The following DENND3 variants were observed in gnomAD, a reference collection of about 807,000 sequenced individuals.
DENND3 encodes DENN domain containing 3.
DENND3 carries 88 observed loss-of-function variants against 135.1 expected under a neutral mutation model. The observed-to-expected ratio is 0.65, with a 90% confidence interval of 0.55 to 0.78. DENND3 has a LOEUF of 0.78. Ranked by LOEUF, DENND3 falls within the 30% of genes least tolerant of loss-of-function variation. The probability of loss-of-function intolerance (pLI) is 0.00; values close to 1 mark genes in which losing one functional copy is unlikely to be tolerated. For synonymous variants in DENND3, 693 were observed against 712.3 expected (o/e 0.97, Z 0.43); for missense variants, 1,392 against 1,688.4 (o/e 0.82, Z 3.08).
chr8:141,141,228 A>T lies in DENND3; in HGVS notation c.527A>T (p.Lys176Ile), dbSNP rs757631212. ...GATGAGTACTGTTTCTACAATGGCAAAACGCACCGGGAGTGTCCTGGCTGC... is the reference window on the plus strand; with the variant it reads ...GATGAGTACTGTTTCTACAATGGCATAACGCACCGGGAGTGTCCTGGCTGC... ...LHDEYCFYNG[K>I]THRECPGCFV... The change falls in exon 4 of 23, where the codon AAA (lysine) becomes ATA (isoleucine). Residue 176 changes from lysine (K) to isoleucine (I), a missense_variant. Physicochemically the swap from Lys to Ile is moderately radical, Grantham distance 102. Coordinates refer to ENST00000519811, the MANE Select transcript of DENND3 (RefSeq NM_001352890.3). This position sits in a 1 kb window ranked among gnomAD's most constrained non-coding sequence, Gnocchi z 5.3. 6.2e-7 allele frequency: 1 copy of T among 1,614,196 alleles called. No individual in the cohort carries two copies. The highest frequency in any genetic ancestry group is 1.1e-5 in the South Asian group (1 of 91,086).
chr8:141,189,484 T>A (rs936740670), intron 19 of DENND3, among the ~76,000 whole-genome samples: 5 of 152,224 alleles, frequency 3.3e-5, no homozygotes, highest in Admixed American at 6.5e-5. Context: ...TGGACTCGCC[T>A]GATAATCGCC....
intron 18 of DENND3, among the ~76,000 whole-genome samples, chr8:141,186,482 C>T (rs1823905785): frequency 2.0e-5 from 3 of 152,188 alleles, no homozygotes; most frequent in African/African-American, 7.2e-5. Context: ...AGGCCCAACA[C>T]AAATTTGTAA....
intron 19 of DENND3, among the ~76,000 whole-genome samples, 157 bp downstream of exon 19, chr8:141,189,303 T>C (rs533044414): frequency 1.3e-5 from 2 of 152,366 alleles, no homozygotes; most frequent in African/African-American, 4.8e-5. Context: ...GTGTCCTCGG[T>C]CTGCTTCTGC....
intron 22 of DENND3, chr8:141,193,015 C>A: frequency 1.3e-6 from 1 of 746,600 alleles, no homozygotes; most frequent in Non-Finnish European, 1.9e-6. Context: ...CCAGGCCCTT[C>A]TCTCCCCCAC....
At chr8:141,151,431 C>T (rs923065076) in intron 6 of DENND3, among the ~76,000 whole-genome samples, 188 bp from the exon 7 acceptor site, 2 of 152,084 alleles carry the variant, frequency 1.3e-5, no homozygotes, top group African/African-American at 2.4e-5. Flanking sequence ...TGTGGAGGCA[C>T]GTTGCTGTGG....
At position 141,189,078 on chromosome 8, in the gene DENND3, C is replaced by A. The variant is rs1262848474; in HGVS notation, c.3177C>A (p.Asn1059Lys). 1 of 1,614,096 alleles carries A rather than the reference C, an allele frequency of 6.2e-7. No individual in the cohort carries two copies. The highest frequency in any genetic ancestry group is 1.3e-5 in the African/African-American group (1 of 74,954). Reference protein sequence around the residue: ...YIINVHSMSCNKQLTAHCSSV... With the variant: ...YIINVHSMSCKKQLTAHCSSV... ...TCAACGTCCACAGCATGTCCTGCAA[C>A]AAGCAGCTCACAGCCCACTGCTCCA... The change falls in exon 19 of 23, where the codon AAC (asparagine) becomes AAA (lysine). Residue 1059 changes from asparagine (N) to lysine (K), a missense_variant. Transcript: ENST00000519811.
intron 7 of DENND3, 57 bp from the exon 8 acceptor site, chr8:141,155,792 G>T (rs961930638): frequency 5.3e-5 from 81 of 1,535,646 alleles, no homozygotes; most frequent in Non-Finnish European, 6.7e-5. Flanking sequence ...TTTCAAAGAG[G>T]TATACAAATT....
At position 141,130,078 on chromosome 8, in the gene DENND3, G is replaced by A. The variant is rs1392098672; in HGVS notation, c.102+1269G>A. On this transcript the variant is annotated intron_variant, in intron 1 of 22. Coordinates refer to ENST00000519811, the MANE Select transcript of DENND3 (RefSeq NM_001352890.3). The surrounding 1 kb of genome is among the most constrained non-coding windows in gnomAD (Gnocchi z 4.2). ...TTTTCTTCGAATAGGAAGTGACCTA[G>A]TTGCCGCTGTGGTCTCCTCAGCCGT... The A allele has an allele frequency of 2.0e-5, 3 of 152,162 alleles. No homozygotes were observed. Among genetic ancestry groups the A allele is most frequent in the Non-Finnish European group, 4.4e-5 (3 of 68,032 alleles). 9.4% of individuals were successfully genotyped at this position (152,162 alleles called of 1,614,324 possible).
chr8:141,171,218 G>A (rs1183823561), intron 13 of DENND3, among the ~76,000 whole-genome samples: 1 of 152,116 alleles, frequency 6.6e-6, no homozygotes, highest in Non-Finnish European at 1.5e-5. Flanking sequence ...AAAACAACAA[G>A]GTTTGGTCAG....
rs1821022333 is a variant in DENND3 at position 141,167,986 on chromosome 8, T to C, written c.1754-18T>C. ...AAGGTCTGTGCTAATGGTCTCCTTT[T>C]CCCCCTGAATGTTTTAGTTCTGAAT... On this transcript the variant is annotated intron_variant, in intron 12 of 22. Coordinates refer to ENST00000519811, the MANE Select transcript of DENND3 (RefSeq NM_001352890.3). The surrounding 1 kb of genome is among the most constrained non-coding windows in gnomAD (Gnocchi z 4.1). 6.3e-7 allele frequency: 1 copy of C among 1,595,348 alleles called. No homozygotes were observed. The highest frequency in any genetic ancestry group is 1.1e-5 in the South Asian group (1 of 89,072).
intron 5 of DENND3, among the ~76,000 whole-genome samples, chr8:141,145,818 TATATATATATATATATATATATATATA>T (rs1310863006): frequency 1.2e-3 from 37 of 30,240 alleles, no homozygotes; most frequent in African/African-American, 9.2e-3. Context: ...TATATATATA[TATATATATATATATATATATATATATA>T]TATATGTATT....
At chr8:141,136,817 G>A in intron 2 of DENND3, 26 bp downstream of exon 2, 1 of 1,518,376 alleles carries the variant, frequency 6.6e-7, no homozygotes, top group Non-Finnish European at 8.8e-7. Context: ...GGGCACCACT[G>A]GGCGCCTCCT....
intron 7 of DENND3, 54 bp from the exon 8 acceptor site, chr8:141,155,795 T>C (rs1819360235): frequency 6.5e-7 from 1 of 1,540,730 alleles, no homozygotes; most frequent in Non-Finnish European, 8.8e-7. Flanking sequence ...CAAAGAGGTA[T>C]ACAAATTCCG....
At chr8:141,171,016 G>C (rs564106129) in intron 13 of DENND3, among the ~76,000 whole-genome samples, 11 of 152,308 alleles carry the variant, frequency 7.2e-5, no homozygotes, top group African/African-American at 2.6e-4. Context: ...AGCCCGGGAA[G>C]GGTGCGTGGG....
chr8:141,192,554 G>A lies in DENND3; in HGVS notation c.3527G>A (p.Gly1176Glu), dbSNP rs562921963. The change falls in exon 22 of 23, where the codon GGA (glycine) becomes GAA (glutamate). Residue 1176 changes from glycine to glutamate, a missense_variant. Gly to Glu is a moderately conservative substitution (Grantham distance 98). Transcript: ENST00000519811. ...GAGCAGCTGTGGGCGGCCTGTGCAG[G>A]ACGCAGCGAGGTTTACATCTGGAGC... ...EEEQLWAACAGRSEVYIWSLK... is the reference protein window; with the variant it reads ...EEEQLWAACAERSEVYIWSLK... 271 of 1,585,434 alleles carry A rather than the reference G, an allele frequency of 1.7e-4. 5 individuals carry two copies. The South Asian group carries it at 2.9e-3, about 17-fold the overall frequency.
At chr8:141,163,238 G>A (rs549957786) in intron 9 of DENND3, 95 bp from the exon 10 acceptor site, 9 of 617,036 alleles carry the variant, frequency 1.5e-5, no homozygotes, top group East Asian at 2.8e-5. Flanking sequence ...TTCAAAGTTC[G>A]TATCTCTTCT....
rs1272016452 is a variant in DENND3 at position 141,167,260 on chromosome 8, G to A, written c.1754-744G>A. ...CAGGCAGCTTCACCTCCCTGGTTCT[G>A]CAGTTCCTCTTCTGAACATCTGTCA... On this transcript the variant is annotated intron_variant, in intron 12 of 22. Transcript: ENST00000519811. This position sits in a 1 kb window ranked among gnomAD's most constrained non-coding sequence, Gnocchi z 4.1. Among the ~76,000 whole-genome samples the A allele has an allele frequency of 1.3e-5, 2 of 152,206 alleles. No individual in the cohort carries two copies. The highest frequency in any genetic ancestry group is 4.8e-5 in the African/African-American group (2 of 41,440).
At chr8:141,129,819 G>A (rs1361631213) in intron 1 of DENND3, 1 of 152,386 alleles carries the variant, frequency 6.6e-6, no homozygotes, top group East Asian at 1.9e-4. Context: ...CAAGTAACCA[G>A]ATGAATGTCT....
Position 141,134,306 on chromosome 8 carries a change from T to A in DENND3, c.103-2203T>A, listed in dbSNP as rs577424615. On this transcript the variant is annotated intron_variant, in intron 1 of 22. Transcript: ENST00000519811. ...TTTTTATTTTTTATTTTTATTTTATTTTTTTTTTGAGACAGTCTCGCTCTG... is the reference window on the plus strand; with the variant it reads ...TTTTTATTTTTTATTTTTATTTTATATTTTTTTTGAGACAGTCTCGCTCTG... Among the ~76,000 whole-genome samples, 684 of 151,526 alleles carry A rather than the reference T, an allele frequency of 4.5e-3. 6 individuals carry two copies. Among genetic ancestry groups the A allele is most frequent in the African/African-American group, 0.015 (636 of 41,372 alleles).
Sources: gnomAD v4.1 joint callset for allele counts (sites outside exome capture counted in the v4.1 genomes callset) on GRCh38, gnomAD v4.1.1 for gene constraint, Gnocchi (gnomAD v3.1) non-coding constraint, MANE v1.5 for transcripts, NCBI Gene and HGNC (gene_info 2026-07-23, HGNC 2026-07-21) for gene names.